The following CDCP1 variants were observed in gnomAD, a reference collection of about 807,000 sequenced individuals.
CDCP1 encodes the protein CUB domain-containing protein 1.
CDCP1 carries 29 observed loss-of-function variants against 60.2 expected under a neutral mutation model. The observed-to-expected ratio is 0.48, with a 90% CI of 0.36 to 0.66. The LOEUF (loss-of-function observed/expected upper bound fraction) is 0.66. Ranked by LOEUF, CDCP1 falls within the 30% of genes least tolerant of loss-of-function variation. The pLI is 0.00. For synonymous variants in CDCP1, 387 were observed against 431.1 expected (o/e 0.90, Z 1.27); for missense variants, 876 against 1,074.3 (o/e 0.82, Z 2.58).
At chr3:45,101,070 CT>C (rs1698478269) in intron 4 of CDCP1, among the ~76,000 whole-genome samples, 1 of 152,206 alleles carries the variant, frequency 6.6e-6, no homozygotes, top group Non-Finnish European at 1.5e-5. Flanking sequence ...GAAGAAGCCT[CT>C]ATTTGTGACA....
At chr3:45,090,287 C>A (rs1196106425) in intron 7 of CDCP1, among the ~76,000 whole-genome samples, 1 of 152,136 alleles carries the variant, frequency 6.6e-6, no homozygotes, top group African/African-American at 2.4e-5. Flanking sequence ...GAGTAAAGGG[C>A]AGACATGGCC....
intron 4 of CDCP1, among the ~76,000 whole-genome samples, chr3:45,107,495 C>T (rs147892749): frequency 9.2e-4 from 140 of 152,222 alleles, no homozygotes; most frequent in Middle Eastern, 6.8e-3. Context: ...CATGAGCCAC[C>T]GCGCCCGGCC....
intron 4 of CDCP1, among the ~76,000 whole-genome samples, chr3:45,096,454 G>A (rs895851544): frequency 4.0e-5 from 6 of 151,632 alleles, no homozygotes; most frequent in African/African-American, 7.3e-5. Flanking sequence ...TTGAAACCCC[G>A]TGTCTACTAA....
chr3:45,119,968 C>T (rs1460768706), intron 1 of CDCP1, among the ~76,000 whole-genome samples: 2 of 152,216 alleles, frequency 1.3e-5, no homozygotes, highest in African/African-American at 4.8e-5. Context: ...GCTGCTTCTG[C>T]TCAGCATGCT....
chr3:45,114,421 T>C (rs1698750535), intron 2 of CDCP1, among the ~76,000 whole-genome samples: 1 of 151,836 alleles, frequency 6.6e-6, no homozygotes, highest in Non-Finnish European at 1.5e-5. Flanking sequence ...CTCTTTTTTT[T>C]TTTTTTCTTT....
In CDCP1 at chr3:45,097,101, A is replaced by G. The variant is rs149074147; in HGVS notation, c.1025-1533T>C. ...GGCGGGTGGATCACTTGAGGTCAGGAGTTGCAGACCAGTCTGGCCAACATG... is the reference window on the plus strand; with the variant it reads ...GGCGGGTGGATCACTTGAGGTCAGGGGTTGCAGACCAGTCTGGCCAACATG... On this transcript the variant is annotated intron_variant, in intron 4 of 8. Transcript: ENST00000296129. 5.3e-4 allele frequency among the ~76,000 whole-genome samples: 80 copies of G among 152,228 alleles called. 2 individuals are homozygous for G. In the East Asian group the frequency reaches 0.014, roughly 26 times the overall value.
rs938602154 is a variant in CDCP1, at chr3:45,095,482, C to G, written c.1111G>C (p.Val371Leu). ...TCTAGACACACGAAACAGCCAGGGA[C>G]AAACTTGCGGCTCTGTTTGACGGGC... ...PRPVKQSRKF[V>L]PGCFVCLESR... Residue 371 changes from valine to leucine, a missense_variant, in exon 5 of 9, where the codon GTC becomes CTC. This residue lies in a region of CDCP1 where 726 missense variants were observed against 935.7 expected (regional missense o/e 0.78). Coordinates refer to ENST00000296129, the MANE Select transcript of CDCP1 (RefSeq NM_022842.5). The G allele has an allele frequency of 1.2e-6, 2 of 1,614,130 alleles. No individual in the cohort carries two copies. Among genetic ancestry groups the G allele is most frequent in the African/African-American group, 2.7e-5 (2 of 75,018 alleles).
At chr3:45,137,442 T>A (rs977323099) in intron 1 of CDCP1, among the ~76,000 whole-genome samples, 5 of 152,106 alleles carry the variant, frequency 3.3e-5, no homozygotes. Context: ...AGAAGTTATG[T>A]TGAGGGTTTG....
chr3:45,094,386 C>A (rs139083617), intron 5 of CDCP1, among the ~76,000 whole-genome samples: 18 of 152,094 alleles, frequency 1.2e-4, no homozygotes, highest in Non-Finnish European at 2.5e-4. Context: ...ACACCATGCC[C>A]GGCTAATTTT....
intron 1 of CDCP1, among the ~76,000 whole-genome samples, chr3:45,119,180 C>T (rs1698842696): frequency 6.6e-6 from 1 of 152,092 alleles, no homozygotes; most frequent in African/African-American, 2.4e-5. Flanking sequence ...CATATTATAT[C>T]AATGAATTTG....
chr3:45,111,724 G>C (rs944013701), intron 3 of CDCP1, among the ~76,000 whole-genome samples: 1 of 152,204 alleles, frequency 6.6e-6, no homozygotes, highest in African/African-American at 2.4e-5. Flanking sequence ...TTATGAGCCA[G>C]TGTGAGTGAG....
Position 45,088,717 on chromosome 3 carries a change from A to G in CDCP1, c.2081+337T>C, listed in dbSNP as rs1197533679. Among the ~76,000 whole-genome samples the G allele has an allele frequency of 2.0e-5, 3 of 152,308 alleles. No individual in the cohort carries two copies. In the East Asian group the frequency reaches 5.8e-4, roughly 29 times the overall value. ...AGTGGTTTCAGAGGCACAGTCTGGC[A>G]GAGCCTACGTGAGCATTTTCTTGCC... On this transcript the variant is annotated intron_variant, in intron 8 of 8. Transcript: ENST00000296129.
At chr3:45,088,142 C>T (rs1049422153) in intron 8 of CDCP1, among the ~76,000 whole-genome samples, 11 of 152,210 alleles carry the variant, frequency 7.2e-5, no homozygotes, top group South Asian at 6.2e-4. Flanking sequence ...TACAGTTTGG[C>T]GGCAGCACGG....
chr3:45,144,597 G>T (rs1379548611), intron 1 of CDCP1, among the ~76,000 whole-genome samples: 2 of 152,188 alleles, frequency 1.3e-5, no homozygotes, highest in Non-Finnish European at 2.9e-5. Flanking sequence ...GGAGAAATGA[G>T]ACCAGGAACA....
chr3:45,138,677 C>A (rs1371154360), intron 1 of CDCP1, among the ~76,000 whole-genome samples: 1 of 152,084 alleles, frequency 6.6e-6, no homozygotes, highest in African/African-American at 2.4e-5. Context: ...GGTGAAACCT[C>A]GTCTCTACTA....
intron 5 of CDCP1, 49 bp from the exon 6 acceptor site, chr3:45,093,706 C>T (rs1171880174): frequency 6.4e-7 from 1 of 1,558,390 alleles, no homozygotes; most frequent in Non-Finnish European, 8.7e-7. Flanking sequence ...ACCAGAAGTG[C>T]ACCCTCCCCA....
rs11063 is a variant in CDCP1 at position 45,082,677 on chromosome 3, T to C, written c.*2961A>G. ...CCATGTCCGGTGGGCTTGTGCTTGT[T>C]CCAGTTGACTCTTCCTTGAGACCTT... On this transcript the variant is annotated 3_prime_UTR_variant, in exon 9 of 9. Coordinates refer to ENST00000296129, the MANE Select transcript of CDCP1 (RefSeq NM_022842.5). 105,102 of 152,182 alleles carry C rather than the reference T, an allele frequency of 0.69. 39,311 individuals are homozygous for C. The highest frequency in any genetic ancestry group is 0.9 in the East Asian group (4,662 of 5,180). The allele number at this position is 152,182 out of a possible 1,614,324, so 9.4% of individuals were successfully genotyped here.
intron 1 of CDCP1, among the ~76,000 whole-genome samples, chr3:45,138,593 G>A (rs1230970766): frequency 1.3e-5 from 2 of 152,154 alleles, no homozygotes; most frequent in Non-Finnish European, 2.9e-5. Context: ...CTTTAATCCC[G>A]GCACTTTGGG....
chr3:45,142,762 G>A lies in CDCP1; in HGVS notation c.82+3444C>T, dbSNP rs142432596. Among the ~76,000 whole-genome samples, 159 of 151,706 alleles carry A rather than the reference G, an allele frequency of 1.0e-3. 1 individual carries two copies. The highest frequency in any genetic ancestry group is 3.5e-3 in the African/African-American group (146 of 41,260). On this transcript the variant is annotated intron_variant, in intron 1 of 8. Transcript: ENST00000296129. ...CTCTGCTTCCAGAACACGGAAATAC[G>A]CGTGCAAAGACCTAAGAACCTCTCT...
Sources: gnomAD v4.1 joint callset for allele counts (sites outside exome capture counted in the v4.1 genomes callset) on GRCh38, gnomAD v4.1.1 for gene constraint, gnomAD v4.1.1 regional missense constraint, MANE v1.5 for transcripts, NCBI Gene and HGNC (gene_info 2026-07-23, HGNC 2026-07-21) for gene names.